PCGF6: variants seen among roughly 807,000 people sequenced by gnomAD.
The protein encoded by PCGF6 is polycomb group RING finger protein 6.
PCGF6 carries 24 observed loss-of-function variants against 45.5 expected under a neutral mutation model. That is an observed-to-expected ratio of 0.53 (90% CI 0.38 to 0.74). PCGF6 has a LOEUF of 0.74. PCGF6 is among the 30% of genes least tolerant of loss of function. The pLI, the probability that PCGF6 is intolerant of heterozygous loss-of-function variation, is 0.00. For missense variants in PCGF6, 356 were observed against 443.2 expected, an observed-to-expected ratio of 0.80 and a Z score of 1.77; for synonymous variants, 152 against 162.1, an observed-to-expected ratio of 0.94 and a Z score of 0.47.
chr10:103,347,541 G>C, intron 3 of PCGF6, 91 bp from the exon 4 acceptor site: 1 of 1,042,368 alleles, frequency 9.6e-7, no homozygotes, highest in East Asian at 2.4e-5. Flanking sequence ...CTTGAGAGTG[G>C]GTATCTTTTT....
At position 103,342,346 on chromosome 10, in the gene PCGF6, G is replaced by A. The variant is rs111328752; in HGVS notation, c.782+2678C>T. Among the ~76,000 whole-genome samples the A allele has an allele frequency of 3.9e-3, 595 of 151,670 alleles. 1 individual carries two copies. The highest frequency in any genetic ancestry group is 0.012 in the African/African-American group (494 of 41,352). Reference sequence around the variant, plus strand: ...CCTCCCAGGTTCAAGTAATTCTCCCGCCTCAGCCTCCTGGGTAGCTGGGAC... The same window carrying A: ...CCTCCCAGGTTCAAGTAATTCTCCCACCTCAGCCTCCTGGGTAGCTGGGAC... On this transcript the variant is annotated intron_variant, in intron 6 of 9. Coordinates refer to ENST00000369847, the MANE Select transcript of PCGF6 (RefSeq NM_001011663.2).
chr10:103,306,296 C>G (rs900626045), intron 9 of PCGF6, among the ~76,000 whole-genome samples: 1 of 152,108 alleles, frequency 6.6e-6, no homozygotes, highest in African/African-American at 2.4e-5. Context: ...TGGGGTTTCT[C>G]CATGTTGGTC....
At chr10:103,346,410 G>C (rs973749378) in intron 5 of PCGF6, among the ~76,000 whole-genome samples, 20 of 152,020 alleles carry the variant, frequency 1.3e-4, no homozygotes, top group Non-Finnish European at 2.6e-4. Flanking sequence ...CAGATCACGA[G>C]GTCAAGAGAT....
chr10:103,310,575 C>G (rs569621134), intron 9 of PCGF6, among the ~76,000 whole-genome samples: 29 of 151,868 alleles, frequency 1.9e-4, no homozygotes, highest in African/African-American at 6.5e-4. Context: ...GAAAATAATT[C>G]TTGGGAACAG....
intron 6 of PCGF6, among the ~76,000 whole-genome samples, chr10:103,342,935 G>T (rs1197084356): frequency 6.6e-6 from 1 of 151,778 alleles, no homozygotes; most frequent in Non-Finnish European, 1.5e-5. Context: ...TGCCTTTTAG[G>T]GGTTCTTTTC....
intron 1 of PCGF6, among the ~76,000 whole-genome samples, chr10:103,349,508 T>C (rs2093312847): frequency 1.3e-5 from 1 of 77,556 alleles, no homozygotes; most frequent in South Asian, 4.8e-4. Flanking sequence ...TGAGAGGGAG[T>C]CTGCCTCTGT....
rs1304578259 is a variant in PCGF6 at position 103,351,073 on chromosome 10, G to A, written c.-7C>T. The stretch of plus-strand genomic sequence containing the variant: ...CCACCGCGACCCCCTCCATGGTCGG[G>A]AGAGACACCAGGCGAGGCGAGGCGG... On this transcript the variant is annotated 5_prime_UTR_variant, in exon 1 of 10. Coordinates refer to ENST00000369847, the MANE Select transcript of PCGF6 (RefSeq NM_001011663.2). 1.5e-6 allele frequency: 2 copies of A among 1,377,074 alleles called. No homozygotes were observed. Among genetic ancestry groups the A allele is most frequent in the South Asian group, 1.9e-5 (1 of 53,274 alleles). 85.3% of individuals were successfully genotyped at this position (1,377,074 alleles called of 1,614,324 possible).
At chr10:103,332,843 A>G (rs1024351847) in intron 7 of PCGF6, among the ~76,000 whole-genome samples, 5 of 152,074 alleles carry the variant, frequency 3.3e-5, no homozygotes, top group African/African-American at 1.2e-4. Context: ...GGTCGGGCGC[A>G]GTGGCTCACA....
chr10:103,317,081 G>C (rs1488621625), intron 8 of PCGF6, among the ~76,000 whole-genome samples: 1 of 152,170 alleles, frequency 6.6e-6, no homozygotes, highest in Non-Finnish European at 1.5e-5. Context: ...CGCAATCTCA[G>C]CACACTGCAA....
chr10:103,326,457 T>A (rs1323699290), intron 8 of PCGF6, 77 bp downstream of exon 8: 6 of 760,314 alleles, frequency 7.9e-6, no homozygotes, highest in African/African-American at 1.8e-5. Flanking sequence ...TTGCATGAAA[T>A]CCTACAGAGT....
chr10:103,349,983 T>G (rs1252359573), intron 1 of PCGF6, among the ~76,000 whole-genome samples: 2 of 151,700 alleles, frequency 1.3e-5, no homozygotes, highest in African/African-American at 4.8e-5. Context: ...CTCTAAAGGC[T>G]GAGGCTGGAG....
intron 8 of PCGF6, among the ~76,000 whole-genome samples, chr10:103,316,421 C>T (rs974942833): frequency 2.6e-5 from 4 of 152,158 alleles, no homozygotes; most frequent in African/African-American, 9.7e-5. Flanking sequence ...CAATAAGTTA[C>T]ATATGTATTT....
intron 9 of PCGF6, among the ~76,000 whole-genome samples, chr10:103,310,856 C>A (rs2093154875): frequency 6.6e-6 from 1 of 152,080 alleles, no homozygotes; most frequent in African/African-American, 2.4e-5. Context: ...GCATGTGCCA[C>A]CACACCTGGT....
At chr10:103,340,373 T>A (rs1240293307) in intron 6 of PCGF6, among the ~76,000 whole-genome samples, 1 of 151,736 alleles carries the variant, frequency 6.6e-6, no homozygotes, top group East Asian at 1.9e-4. Flanking sequence ...TGTAACAACT[T>A]TAGTAATGGT....
chr10:103,323,773 C>T (rs556544138), intron 8 of PCGF6, among the ~76,000 whole-genome samples: 18 of 143,988 alleles, frequency 1.3e-4, no homozygotes, highest in South Asian at 9.0e-4. Context: ...TTGGTAGAGA[C>T]GGGGTTTCGC....
intron 1 of PCGF6, among the ~76,000 whole-genome samples, chr10:103,350,237 G>T (rs2093316100): frequency 6.7e-6 from 1 of 149,704 alleles, no homozygotes; most frequent in African/African-American, 2.5e-5. Flanking sequence ...TTCGAGAACA[G>T]CCTGGGAACA....
intron 9 of PCGF6, among the ~76,000 whole-genome samples, chr10:103,311,601 G>A (rs1185356687): frequency 6.7e-6 from 1 of 150,060 alleles, no homozygotes; most frequent in African/African-American, 2.4e-5. Context: ...AGCCACCACC[G>A]CACCTAGCCG....
intron 9 of PCGF6, among the ~76,000 whole-genome samples, chr10:103,306,630 T>C (rs1331698180): frequency 6.6e-6 from 1 of 152,202 alleles, no homozygotes; most frequent in Non-Finnish European, 1.5e-5. Context: ...GCAATCTGGT[T>C]TGTGTTCCTG....
chr10:103,339,807 AAAAAC>A (rs1350463005), intron 6 of PCGF6, among the ~76,000 whole-genome samples: 28 of 45,170 alleles, frequency 6.2e-4, no homozygotes, highest in South Asian at 5.3e-3. Context: ...GTCTCAAAAA[AAAAAC>A]ACACACACAC....
Sources: allele counts gnomAD v4.1 joint callset (sites outside exome capture counted in the v4.1 genomes callset), GRCh38; gene constraint gnomAD v4.1.1; transcripts MANE v1.5; gene names NCBI Gene and HGNC (gene_info 2026-07-23, HGNC 2026-07-21).